Variants in PKD1L1 observed in about 807,000 individuals in gnomAD.
PKD1L1 encodes the protein polycystin 1 like 1, transient receptor potential channel interacting, also known as polycystin-1-like protein 1.
A neutral mutation model predicts 323.4 loss-of-function variants in PKD1L1; 236 were observed. The ratio of observed to expected loss-of-function variants is 0.73; its 90% CI spans 0.66 to 0.81. The LOEUF (loss-of-function observed/expected upper bound fraction) is 0.81. Among genes scored for constraint, PKD1L1 ranks in the 40% least tolerant of loss-of-function variants. The pLI is 0.00. For synonymous variants in PKD1L1, 1,344 were observed against 1,335.0 expected (o/e 1.01, Z -0.15); for missense variants, 3,320 against 3,508.0 (o/e 0.95, Z 1.35).
chr7:47,858,964 G>A (rs763141845), intron 26 of PKD1L1, 79 bp from the exon 27 acceptor site: 29 of 1,515,288 alleles, frequency 1.9e-5, no homozygotes, highest in Non-Finnish European at 2.4e-5. Flanking sequence ...GATGAGAACC[G>A]CACTCATAAA....
At chr7:47,797,534 C>G (rs1309131424) in intron 54 of PKD1L1, among the ~76,000 whole-genome samples, 1 of 152,204 alleles carries the variant, frequency 6.6e-6, no homozygotes, top group Non-Finnish European at 1.5e-5. Flanking sequence ...CCATGGCAGA[C>G]AGCAAGACCT....
At chr7:47,859,325 G>A (rs1364008013) in intron 26 of PKD1L1, among the ~76,000 whole-genome samples, 2 of 152,120 alleles carry the variant, frequency 1.3e-5, no homozygotes, top group African/African-American at 2.4e-5. Flanking sequence ...CTATTCTCAA[G>A]CCATGCTGAA....
At chr7:47,818,768 C>T (rs1343340959) in intron 46 of PKD1L1, among the ~76,000 whole-genome samples, 3 of 152,144 alleles carry the variant, frequency 2.0e-5, no homozygotes, top group Admixed American at 6.5e-5. Context: ...TTGGATAGAA[C>T]GCTTGCTTCA....
intron 56 of PKD1L1, among the ~76,000 whole-genome samples, chr7:47,791,949 T>C (rs1786959366): frequency 6.6e-6 from 1 of 152,168 alleles, no homozygotes; most frequent in Admixed American, 6.5e-5. Context: ...GGTGTTGATT[T>C]TTCTATAGTT....
In PKD1L1 at chr7:47,853,236, T is replaced by C; in HGVS notation, c.4860-9A>G. On this transcript the variant is annotated splice_polypyrimidine_tract_variant and intron_variant, in intron 30 of 56. Coordinates refer to ENST00000289672, the MANE Select transcript of PKD1L1 (RefSeq NM_138295.5). Reference sequence around the variant, plus strand: ...TAGGTTTCTCAGAGAATCTAGGAGATAAAAACAAAATAGGGATTTCTCATT... The same window carrying C: ...TAGGTTTCTCAGAGAATCTAGGAGACAAAAACAAAATAGGGATTTCTCATT... 1 of 1,566,522 alleles carries C rather than the reference T, an allele frequency of 6.4e-7. No individual in the cohort carries two copies. Among genetic ancestry groups the C allele is most frequent in the Non-Finnish European group, 8.8e-7 (1 of 1,138,172 alleles).
Position 47,866,456 on chromosome 7 carries a change from A to T in PKD1L1, c.4055T>A (p.Leu1352Ter). 6.2e-7 allele frequency: 1 copy of T among 1,613,768 alleles called. No homozygotes were observed. The highest frequency in any genetic ancestry group is 8.5e-7 in the Non-Finnish European group (1 of 1,179,890). ...CNQWSRIQDA[L>*]ISSVCRLAFV... ...AGCCAATCTGCATACTGAAGAAATT[A>T]ATGCATCCTGTATTCGTGACCATTG... is the stretch of plus-strand genomic sequence containing the variant. The change falls in exon 25 of 57, where the codon TTA becomes TAA. Residue 1352 changes from leucine (L) to a stop codon, truncating the protein, a stop_gained. Coordinates refer to ENST00000289672, the MANE Select transcript of PKD1L1 (RefSeq NM_138295.5). LOFTEE classifies it high-confidence loss of function.
chr7:47,901,749 C>G (rs1787094564), intron 13 of PKD1L1, among the ~76,000 whole-genome samples: 1 of 152,204 alleles, frequency 6.6e-6, no homozygotes, highest in South Asian at 2.1e-4. Context: ...CTCTTGGGGT[C>G]AGATGCCACA....
chr7:47,899,240 A>T (rs1201008775), intron 13 of PKD1L1, among the ~76,000 whole-genome samples: 1 of 152,226 alleles, frequency 6.6e-6, no homozygotes, highest in Non-Finnish European at 1.5e-5. Context: ...TGGCTCTGGC[A>T]ACCTTCTGGT....
intron 46 of PKD1L1, chr7:47,819,658 A>C: frequency 2.7e-5 from 29 of 1,083,240 alleles, no homozygotes; most frequent in Non-Finnish European, 3.4e-5. Context: ...AAAAAAACAA[A>C]ACAACTTGGA....
Position 47,886,010 on chromosome 7 carries a change from C to T in PKD1L1, c.2881G>A (p.Gly961Ser), listed in dbSNP as rs148064707. 7.7e-5 allele frequency: 125 copies of T among 1,614,018 alleles called. 1 individual carries two copies. In the African/African-American group the frequency reaches 9.6e-4, roughly 12 times the overall value. The part of the protein sequence containing the change: ...VVGLLGSLGL[G>S]AISESSQLNL... ...AACTGTGATGACTCTGAAATGGCAC[C>T]GAGTCCCAGCGAGCCAAGCAGCCCC... The change falls in exon 18 of 57, where the codon GGT becomes AGT. Residue 961 changes from glycine (G) to serine (S), a missense_variant. Transcript: ENST00000289672.
chr7:47,864,576 T>TTTCCTTTCTTTC (rs967936305), intron 26 of PKD1L1, among the ~76,000 whole-genome samples: 1 of 107,626 alleles, frequency 9.3e-6, no homozygotes, highest in South Asian at 3.6e-4. Flanking sequence ...TTTTTCTTTC[T>TTTCCTTTCTTTC]TTTCTTTCTT....
intron 50 of PKD1L1, among the ~76,000 whole-genome samples, chr7:47,811,395 T>G (rs953274844): frequency 6.6e-6 from 1 of 152,146 alleles, no homozygotes; most frequent in Admixed American, 6.5e-5. Flanking sequence ...GACCTTGTGA[T>G]CCGCCCACCT....
the PKD1L1 span, among the ~76,000 whole-genome samples, chr7:47,958,955 G>C: frequency 6.6e-6 from 1 of 152,226 alleles, no homozygotes; most frequent in African/African-American, 2.4e-5. Context: ...CCGAGTGCCT[G>C]CGATTGCAGG....
intron 24 of PKD1L1, among the ~76,000 whole-genome samples, chr7:47,871,692 C>T (rs5018488): frequency 0.32 from 48,786 of 151,692 alleles, 8,324 homozygotes; most frequent in African/African-American, 0.42. Flanking sequence ...CTCCATAGAC[C>T]TAGGAAAAGC....
At chr7:47,880,282 A>ATTTTTTTTTTT (rs1309864473) in intron 21 of PKD1L1, among the ~76,000 whole-genome samples, 32 of 69,698 alleles carry the variant, frequency 4.6e-4, no homozygotes, top group African/African-American at 9.6e-4. Flanking sequence ...ATATATATAT[A>ATTTTTTTTTTT]TATTTTTTTT....
chr7:47,792,560 C>T lies in PKD1L1; in HGVS notation c.8526+67G>A, dbSNP rs532113024. Reference sequence around the variant, plus strand: ...CTTATAATTTGGAAAAACAACTATTCCAAAACTCCTTTAGAACTTAAATTG... The same window carrying T: ...CTTATAATTTGGAAAAACAACTATTTCAAAACTCCTTTAGAACTTAAATTG... On this transcript the variant is annotated intron_variant, in intron 56 of 56. Coordinates refer to ENST00000289672, the MANE Select transcript of PKD1L1 (RefSeq NM_138295.5). 526 of 1,475,716 alleles carry T rather than the reference C, an allele frequency of 3.6e-4. 4 individuals carry two copies. The African/African-American group carries it at 6.4e-3, about 18-fold the overall frequency. 91.4% of individuals were successfully genotyped at this position (1,475,716 alleles called of 1,614,324 possible).
intron 54 of PKD1L1, among the ~76,000 whole-genome samples, chr7:47,797,016 AC>A (rs1327638056): frequency 2.7e-5 from 4 of 148,486 alleles, no homozygotes; most frequent in African/African-American, 9.9e-5. Context: ...AAAAAAAAAA[AC>A]ACCCAAACAA....
At chr7:47,829,300 G>T in intron 44 of PKD1L1, 125 bp downstream of exon 44, 1 of 909,684 alleles carries the variant, frequency 1.1e-6, no homozygotes, top group Non-Finnish European at 1.6e-6. Flanking sequence ...AAGAAATTAA[G>T]ACATCCCATG....
At chr7:47,889,789 A>G (rs1282560475) in intron 16 of PKD1L1, among the ~76,000 whole-genome samples, 1 of 152,144 alleles carries the variant, frequency 6.6e-6, no homozygotes, top group Non-Finnish European at 1.5e-5. Flanking sequence ...CTATGGGCAG[A>G]GGGTCAGTCC....
Sources: allele counts gnomAD v4.1 joint callset (sites outside exome capture counted in the v4.1 genomes callset), GRCh38; gene constraint gnomAD v4.1.1; transcripts MANE v1.5; gene names NCBI Gene and HGNC (gene_info 2026-07-23, HGNC 2026-07-21).